Variants in FAM161A observed in about 807,000 individuals in gnomAD.
FAM161A encodes FAM161 centrosomal protein A.
Under a neutral mutation model 70.9 loss-of-function variants are expected in FAM161A, and 57 were observed. The observed-to-expected ratio is 0.80, with a 90% CI of 0.65 to 1.00. The LOEUF (loss-of-function observed/expected upper bound fraction) is 1.00. FAM161A is among the 50% of genes least tolerant of loss of function. The probability of loss-of-function intolerance (pLI) is 0.00; values close to 1 mark genes in which losing one functional copy is unlikely to be tolerated. For synonymous variants in FAM161A, 299 were observed against 295.7 expected (o/e 1.01, Z -0.12); for missense variants, 880 against 836.0 (o/e 1.05, Z -0.65).
chr2:61,841,660 T>A (rs1673024424), intron 2 of FAM161A, among the ~76,000 whole-genome samples: 1 of 152,164 alleles, frequency 6.6e-6, no homozygotes. Flanking sequence ...GCTGACTGAC[T>A]AGATGTGTAA....
downstream of FAM161A, chr2:61,820,600 G>A: frequency 1.5e-6 from 1 of 686,354 alleles, no homozygotes; most frequent in Non-Finnish European, 2.7e-6. Flanking sequence ...TAGGTAACTG[G>A]TATTAAGGGG....
chr2:61,842,853 G>T (rs1375487714), intron 1 of FAM161A, among the ~76,000 whole-genome samples: 6 of 152,176 alleles, frequency 3.9e-5, no homozygotes, highest in Non-Finnish European at 1.5e-5. Flanking sequence ...GGAAATGGGG[G>T]CAGGGACAAA....
At chr2:61,813,063 A>G in the FAM161A span, among the ~76,000 whole-genome samples, 1 of 152,064 alleles carries the variant, frequency 6.6e-6, no homozygotes, top group African/African-American at 2.4e-5. Flanking sequence ...ACTCCGTCTC[A>G]AAAGAAAAAA....
At chr2:61,815,403 G>A in the FAM161A span, among the ~76,000 whole-genome samples, 1 of 152,082 alleles carries the variant, frequency 6.6e-6, no homozygotes, top group Admixed American at 6.6e-5. Flanking sequence ...GGGACAACTC[G>A]TGACTAATGT....
intron 1 of FAM161A, among the ~76,000 whole-genome samples, chr2:61,846,159 G>A (rs1673206609): frequency 6.6e-6 from 1 of 151,522 alleles, no homozygotes; most frequent in Non-Finnish European, 1.5e-5. Context: ...GGAAAGAAGG[G>A]GAAAGTACCC....
At chr2:61,827,757 G>A (rs1018334271) in intron 5 of FAM161A, among the ~76,000 whole-genome samples, 3 of 152,154 alleles carry the variant, frequency 2.0e-5, no homozygotes, top group African/African-American at 7.2e-5. Flanking sequence ...TGAGTCCCAA[G>A]GGAGGACATG....
At chr2:61,827,783 G>A (rs181410189) in intron 5 of FAM161A, among the ~76,000 whole-genome samples, 1 of 152,188 alleles carries the variant, frequency 6.6e-6, no homozygotes, top group East Asian at 1.9e-4. Flanking sequence ...GAATGTTCAG[G>A]ATAGTACTGT....
At chr2:61,804,782 G>GAAAGAAAGAAAGAAAA in the FAM161A span, among the ~76,000 whole-genome samples, 1 of 135,468 alleles carries the variant, frequency 7.4e-6, no homozygotes. Flanking sequence ...AAGAAAGAAA[G>GAAAGAAAGAAAGAAAA]AAAGAAAGAA....
At chr2:61,840,955 T>C (rs1161339493) in intron 2 of FAM161A, among the ~76,000 whole-genome samples, 3 of 152,008 alleles carry the variant, frequency 2.0e-5, no homozygotes. Flanking sequence ...CAGCCAAGAG[T>C]TACATATTTT....
Position 61,840,376 on chromosome 2 carries a change from C to T in FAM161A, c.628G>A (p.Asp210Asn). Residue 210 changes from aspartate to asparagine, a missense_variant, in exon 3 of 7, where the codon GAT becomes AAT. Transcript: ENST00000404929. ...CCAGTATCTTTACAGCGAATATAAT[C>T]CTCAACACAAAAGTCTGTCCACATA... ...NNMWTDFCVE[D>N]YIRCKDTGFH... The T allele has an allele frequency of 6.2e-7, 1 of 1,614,064 alleles. No individual in the cohort carries two copies. Among genetic ancestry groups the T allele is most frequent in the Middle Eastern group, 1.6e-4 (1 of 6,062 alleles).
At chr2:61,821,283 C>A (rs1032082326), downstream of FAM161A, among the ~76,000 whole-genome samples, 3 of 151,988 alleles carry the variant, frequency 2.0e-5, no homozygotes, top group Admixed American at 6.6e-5. Flanking sequence ...AAACTCCTGA[C>A]CTTGTGATCT....
At position 61,839,762 on chromosome 2, in the gene FAM161A, C is replaced by A; in HGVS notation, c.1242G>T (p.Gln414His). 1 of 1,614,138 alleles carries A rather than the reference C, an allele frequency of 6.2e-7. No homozygotes were observed. The highest frequency in any genetic ancestry group is 8.5e-7 in the Non-Finnish European group (1 of 1,180,036). ...TGTGTTTACACTTCAACTTTACAGCCTGTTCAGGACACCTGGGGTTCCTGC... is the reference window on the plus strand; with the variant it reads ...TGTGTTTACACTTCAACTTTACAGCATGTTCAGGACACCTGGGGTTCCTGC... Reference protein sequence around the residue: ...CGCRNPRCPEQAVKLKCKHKV... With the variant: ...CGCRNPRCPEHAVKLKCKHKV... The change falls in exon 3 of 7, where the codon CAG becomes CAT. Residue 414 changes from glutamine to histidine, a missense_variant. Physicochemically the swap from Gln to His is conservative, Grantham distance 24 (BLOSUM62 0). Coordinates refer to ENST00000404929, the MANE Select transcript of FAM161A (RefSeq NM_001201543.2).
At chr2:61,827,402 A>T (rs1478389111) in intron 5 of FAM161A, 144 bp from the exon 6 acceptor site, 7 of 719,558 alleles carry the variant, frequency 9.7e-6, no homozygotes, top group African/African-American at 1.8e-5. Context: ...CGAGGTCAGG[A>T]GATCAAGACC....
At chr2:61,833,168 T>C (rs1188466435) in intron 5 of FAM161A, among the ~76,000 whole-genome samples, 1 of 152,128 alleles carries the variant, frequency 6.6e-6, no homozygotes, top group Admixed American at 6.5e-5. Flanking sequence ...TTCACGCCTG[T>C]AATCCCAGCA....
At chr2:61,807,948 A>AT in the FAM161A span, among the ~76,000 whole-genome samples, 1 of 152,020 alleles carries the variant, frequency 6.6e-6, no homozygotes, top group Non-Finnish European at 1.5e-5. Context: ...GCCAGACTCC[A>AT]TTTTTTGCCA....
chr2:61,844,993 T>C (rs928948058), intron 1 of FAM161A, among the ~76,000 whole-genome samples: 4 of 152,110 alleles, frequency 2.6e-5, no homozygotes, highest in Admixed American at 6.6e-5. Context: ...ATCCGAGGCA[T>C]AGTGCTAGAA....
the FAM161A span, among the ~76,000 whole-genome samples, chr2:61,816,656 C>CG: frequency 2.7e-3 from 407 of 151,722 alleles, 2 homozygotes; most frequent in South Asian, 0.012. Context: ...GACGGCGGGG[C>CG]GGGGGGGTCT....
At chr2:61,806,175 A>G in the FAM161A span, among the ~76,000 whole-genome samples, 1 of 152,178 alleles carries the variant, frequency 6.6e-6, no homozygotes, top group Admixed American at 6.5e-5. Flanking sequence ...CCGAGACTGC[A>G]CTACTGCACT....
chr2:61,835,813 C>T (rs1360783306), intron 5 of FAM161A, 197 bp downstream of exon 5: 2 of 567,872 alleles, frequency 3.5e-6, no homozygotes, highest in Admixed American at 3.2e-5. Flanking sequence ...TACAGGTGCA[C>T]ACCACCACAC....
Sources: allele counts gnomAD v4.1 joint callset (sites outside exome capture counted in the v4.1 genomes callset), GRCh38; gene constraint gnomAD v4.1.1; transcripts MANE v1.5; gene names NCBI Gene and HGNC (gene_info 2026-07-23, HGNC 2026-07-21).